Variants in PDE1C observed in about 807,000 individuals in gnomAD.
PDE1C encodes phosphodiesterase 1C, also known as dual specificity calcium/calmodulin-dependent 3',5'-cyclic nucleotide phosphodiesterase 1C.
In PDE1C, 62 loss-of-function variants were observed where a neutral mutation model predicts 93.1. The ratio of observed to expected loss-of-function variants is 0.67; its 90% CI spans 0.54 to 0.82. PDE1C has a LOEUF of 0.82. Among genes scored for constraint, PDE1C ranks in the 40% least tolerant of loss-of-function variants. The pLI is 0.00. For missense variants in PDE1C, 742 were observed against 884.6 expected (o/e 0.84, Z 2.04); for synonymous variants, 325 against 310.1 (o/e 1.05, Z -0.50).
At chr7:31,710,499 G>A in the PDE1C span, among the ~76,000 whole-genome samples, 1,003 of 152,328 alleles carry the variant, frequency 6.6e-3, 8 homozygotes, top group African/African-American at 0.023. Flanking sequence ...GACTCAAGCA[G>A]TGTTTCCTTT....
chr7:32,409,022 C>G (rs1219955345), intron 1 of PDE1C, among the ~76,000 whole-genome samples: 1 of 152,088 alleles, frequency 6.6e-6, no homozygotes, highest in Non-Finnish European at 1.5e-5. Context: ...ATTATACAAA[C>G]TTTCAATGAG....
Position 31,837,943 on chromosome 7 carries a change from C to T in PDE1C, c.1009G>A (p.Val337Met). ...REFRTLVIEM[V>M]MATDMSCHFQ... ...TGACAAGACATATCTGTGGCCATCA[C>T]CATTTCAATTACCAAGGTTCGAAAC... The change falls in exon 10 of 18, where the codon GTG becomes ATG. Residue 337 changes from valine (V) to methionine (M), a missense_variant. Transcript: ENST00000396191. 1 of 1,613,272 alleles carries T rather than the reference C, an allele frequency of 6.2e-7. No homozygotes were observed. The highest frequency in any genetic ancestry group is 1.7e-5 in the Admixed American group (1 of 60,010).
At chr7:32,087,770 A>G (rs1014076746) in intron 3 of PDE1C, among the ~76,000 whole-genome samples, 18 of 150,356 alleles carry the variant, frequency 1.2e-4, no homozygotes, top group Non-Finnish European at 2.2e-4. Flanking sequence ...CAAACACCAC[A>G]TGTTCTCACT....
intron 5 of PDE1C, among the ~76,000 whole-genome samples, chr7:31,875,408 C>A (rs945908962): frequency 6.6e-6 from 1 of 152,110 alleles, no homozygotes; most frequent in African/African-American, 2.4e-5. Flanking sequence ...CTGTAATTCT[C>A]AGTCTAATGT....
the PDE1C span, among the ~76,000 whole-genome samples, chr7:31,664,024 T>C: frequency 6.6e-6 from 1 of 152,154 alleles, no homozygotes; most frequent in African/African-American, 2.4e-5. Context: ...ATTTTAAAGA[T>C]GAGGAAACAG....
intron 1 of PDE1C, among the ~76,000 whole-genome samples, chr7:32,317,971 C>T (rs1783209533): frequency 1.3e-5 from 2 of 152,112 alleles, no homozygotes; most frequent in Non-Finnish European, 2.9e-5. Flanking sequence ...GGGTGTGATG[C>T]CTTACCATAA....
At chr7:31,876,438 G>A (rs186847599) in intron 5 of PDE1C, among the ~76,000 whole-genome samples, 26 of 152,196 alleles carry the variant, frequency 1.7e-4, no homozygotes, top group Non-Finnish European at 3.7e-4. Flanking sequence ...TTCTTTCTCA[G>A]TTATTCTGCA....
chr7:31,902,405 C>T (rs1206707662), intron 2 of PDE1C, among the ~76,000 whole-genome samples: 5 of 151,866 alleles, frequency 3.3e-5, no homozygotes, highest in African/African-American at 7.2e-5. Flanking sequence ...GGATCATAAA[C>T]AATAGTAAAA....
intron 2 of PDE1C, among the ~76,000 whole-genome samples, chr7:32,202,361 A>G (rs1268829738): frequency 1.3e-5 from 2 of 152,180 alleles, no homozygotes; most frequent in African/African-American, 4.8e-5. Context: ...CACTCTGACC[A>G]CAACCACCAA....
At chr7:32,313,679 C>T (rs1783104507) in intron 1 of PDE1C, among the ~76,000 whole-genome samples, 1 of 148,712 alleles carries the variant, frequency 6.7e-6, no homozygotes, top group East Asian at 2.0e-4. Context: ...CGCATGTTCT[C>T]ACTCATAGGT....
the PDE1C span, among the ~76,000 whole-genome samples, chr7:31,645,919 G>A: frequency 1.3e-5 from 2 of 152,016 alleles, no homozygotes; most frequent in Non-Finnish European, 2.9e-5. Context: ...ACATTTACCC[G>A]ATCACGTAGT....
At chr7:32,206,071 G>A (rs903915566) in intron 2 of PDE1C, among the ~76,000 whole-genome samples, 9 of 152,110 alleles carry the variant, frequency 5.9e-5, no homozygotes, top group South Asian at 4.2e-4. Flanking sequence ...GTTTTTAGAG[G>A]GGTAAGGTTA....
chr7:32,085,477 G>A (rs908799983), intron 3 of PDE1C, among the ~76,000 whole-genome samples: 33 of 149,300 alleles, frequency 2.2e-4, no homozygotes, highest in African/African-American at 7.5e-4. Flanking sequence ...AATAGAAAAA[G>A]AGGGAATCCT....
At chr7:31,975,234 CAACCTG>C (rs1278902068) in intron 2 of PDE1C, among the ~76,000 whole-genome samples, 2 of 152,210 alleles carry the variant, frequency 1.3e-5, no homozygotes, top group African/African-American at 4.8e-5. Flanking sequence ...AGACACAGCT[CAACCTG>C]ACTACTATAT....
At chr7:32,089,545 C>G (rs1164138931) in intron 3 of PDE1C, among the ~76,000 whole-genome samples, 8 of 152,202 alleles carry the variant, frequency 5.3e-5, no homozygotes, top group Non-Finnish European at 1.2e-4. Flanking sequence ...GAGGAAACCA[C>G]TAGTCGAAGG....
upstream of PDE1C, among the ~76,000 whole-genome samples, chr7:32,302,487 T>A (rs1812904189): frequency 6.6e-6 from 1 of 152,230 alleles, no homozygotes; most frequent in Middle Eastern, 3.2e-3. Flanking sequence ...GTTCATAGGA[T>A]TAAATAATGT....
chr7:32,143,080 A>G (rs1004880806), intron 3 of PDE1C, among the ~76,000 whole-genome samples: 1 of 151,936 alleles, frequency 6.6e-6, no homozygotes, highest in Non-Finnish European at 1.5e-5. Flanking sequence ...AGAACTACAA[A>G]GACAACCACA....
intron 6 of PDE1C, among the ~76,000 whole-genome samples, chr7:31,868,883 T>C (rs1328292085): frequency 1.3e-5 from 2 of 150,240 alleles, no homozygotes; most frequent in African/African-American, 2.5e-5. Flanking sequence ...AATGGGATAA[T>C]ACAGTCAAAG....
intron 3 of PDE1C, among the ~76,000 whole-genome samples, chr7:32,083,811 G>C (rs369994723): frequency 2.6e-5 from 4 of 151,624 alleles, no homozygotes; most frequent in African/African-American, 9.7e-5. Flanking sequence ...TGAGAGATTT[G>C]GTCACCACCA....
Sources: allele counts gnomAD v4.1 joint callset (sites outside exome capture counted in the v4.1 genomes callset), GRCh38; gene constraint gnomAD v4.1.1; transcripts MANE v1.5; gene names NCBI Gene and HGNC (gene_info 2026-07-23, HGNC 2026-07-21).